SREBF1: variants seen among roughly 807,000 people sequenced by gnomAD.
The protein encoded by SREBF1 is sterol regulatory element-binding protein 1.
Under a neutral mutation model 100.1 loss-of-function variants are expected in SREBF1, and 45 were observed. That is an observed-to-expected ratio of 0.45 (90% CI 0.35 to 0.58). The LOEUF (loss-of-function observed/expected upper bound fraction) is 0.58. Among genes scored for constraint, SREBF1 ranks in the 20% least tolerant of loss-of-function variants. The pLI is 0.00. For synonymous variants in SREBF1, 657 were observed against 681.8 expected, an observed-to-expected ratio of 0.96 and a Z score of 0.57; for missense variants, 1,324 against 1,539.4, an observed-to-expected ratio of 0.86 and a Z score of 2.34.
chr17:17,834,112 G>T (rs528927159), intron 1 of SREBF1, among the ~76,000 whole-genome samples: 3 of 151,676 alleles, frequency 2.0e-5, no homozygotes, highest in African/African-American at 7.3e-5. Flanking sequence ...AGTTTTTTTT[G>T]AAACAGAATC....
intron 12 of SREBF1, 129 bp from the exon 13 acceptor site, chr17:17,815,458 G>T: frequency 1.4e-6 from 1 of 727,008 alleles, no homozygotes; most frequent in Non-Finnish European, 2.4e-6. Flanking sequence ...GCCCCTGGGT[G>T]CAGCCCCTGC....
In SREBF1 at chr17:17,813,671, G is replaced by A; in HGVS notation, c.3000C>T (p.Thr1000=). The change falls in exon 17 of 19, where the codon ACC becomes ACT. Residue 1000 remains threonine, a synonymous_variant. Coordinates refer to ENST00000261646, the MANE Select transcript of SREBF1 (RefSeq NM_004176.5). ...GGGCGGAAGCCTGGGGCCTGCTGCT[G>A]GTGCCCTGGGCTGCTGGGGCCGGGG... The part of the protein sequence containing the change: ...PPAPAPAAQG[T]SSRPQASALE... 2.6e-6 allele frequency: 4 copies of A among 1,550,948 alleles called. No homozygotes were observed. Among genetic ancestry groups the A allele is most frequent in the Non-Finnish European group, 3.5e-6 (4 of 1,155,064 alleles).
intron 18 of SREBF1, 86 bp from the exon 19 acceptor site, chr17:17,812,937 A>G (rs970195131): frequency 7.8e-7 from 1 of 1,278,252 alleles, no homozygotes; most frequent in Non-Finnish European, 1.0e-6. Context: ...CCACGGCACC[A>G]GCCGCCTGTA....
At chr17:17,819,905 G>T in intron 2 of SREBF1, 180 bp from the exon 3 acceptor site, 1 of 1,169,584 alleles carries the variant, frequency 8.6e-7, no homozygotes, top group Non-Finnish European at 1.2e-6. Flanking sequence ...CCTCCAGTGC[G>T]AGGTTGCGCC....
Position 17,817,374 on chromosome 17 carries a change from G to C in SREBF1, c.1488C>G (p.Leu496=). 4 of 1,607,622 alleles carry C rather than the reference G, an allele frequency of 2.5e-6. No individual in the cohort carries two copies. The highest frequency in any genetic ancestry group is 3.4e-6 in the Non-Finnish European group (4 of 1,177,866). Residue 496 remains leucine, a synonymous_variant, in exon 8 of 19, where the codon CTC becomes CTG. Coordinates refer to ENST00000261646, the MANE Select transcript of SREBF1 (RefSeq NM_004176.5). The surrounding 1 kb of genome is among the most constrained non-coding windows in gnomAD (Gnocchi z 6.6). ...AGGCCAAGGGGTTGCAGGACAGGCA[G>C]AGGAAGACGAGCGTGCACAGGGCCA... The part of the protein sequence containing the change: ...SRLALCTLVF[L]CLSCNPLASL...
At position 17,819,701 on chromosome 17, in the gene SREBF1, T is replaced by G; in HGVS notation, c.548A>C (p.Gln183Pro). The change falls in exon 3 of 19, where the codon CAG becomes CCG. Residue 183 changes from glutamine (Q) to proline (P), a missense_variant. Transcript: ENST00000261646. ...AGCCAGTGGCAGGCCAGGCAGCGGC[T>G]GCTGGGTGTTCCCGGGAGGGCTTCC... ...STGSPPGNTQQPLPGLPLASP... is the reference protein window; with the variant it reads ...STGSPPGNTQPPLPGLPLASP... 6.2e-7 allele frequency: 1 copy of G among 1,608,170 alleles called. No homozygotes were observed. The highest frequency in any genetic ancestry group is 1.3e-5 in the African/African-American group (1 of 75,012).
chr17:17,817,418 T>A lies in SREBF1; in HGVS notation c.1444A>T (p.Met482Leu). 1 of 1,596,658 alleles carries A rather than the reference T, an allele frequency of 6.3e-7. No homozygotes were observed. The highest frequency in any genetic ancestry group is 8.5e-7 in the Non-Finnish European group (1 of 1,171,770). ...EQRPSLHSRGMLDRSRLALCT... is the reference protein window; with the variant it reads ...EQRPSLHSRGLLDRSRLALCT... ...AGGGCCAGGCGGGAGCGGTCCAGCA[T>A]GCCCCGGCTGTGCAGAGACGGCCGC... The change falls in exon 8 of 19, where the codon ATG (methionine) becomes TTG (leucine). Residue 482 changes from methionine to leucine, a missense_variant. Met to Leu is a conservative substitution (Grantham distance 15, BLOSUM62 2). Transcript: ENST00000261646. This position sits in a 1 kb window ranked among gnomAD's most constrained non-coding sequence, Gnocchi z 6.6.
At chr17:17,814,809 AG>A (rs756298683) in intron 14 of SREBF1, 25 bp downstream of exon 14, 1 of 1,606,606 alleles carries the variant, frequency 6.2e-7, no homozygotes, top group African/African-American at 1.3e-5. Flanking sequence ...CTGAGAAGGG[AG>A]CCAGGACAGG....
chr17:17,814,122 C>T, intron 16 of SREBF1, 123 bp downstream of exon 16: 1 of 1,163,194 alleles, frequency 8.6e-7, no homozygotes, highest in South Asian at 1.3e-5. Context: ...TGCTGGACCC[C>T]CTATCCTGTG....
At chr17:17,818,397 GGAGC>G (rs1229142446) in intron 5 of SREBF1, 23 bp from the exon 6 acceptor site, 1 of 1,568,290 alleles carries the variant, frequency 6.4e-7, no homozygotes, top group African/African-American at 1.4e-5. Flanking sequence ...GGAGGGAGGG[GGAGC>G]GCACAGGTGG....
In SREBF1 at chr17:17,816,480, T is replaced by A. The variant is rs775892357; in HGVS notation, c.2024A>T (p.Lys675Met). ...SARDAALVYH[K>M]LHQLHTMGKH... ...ACCCATGGTGTGCAGCTGGTGCAGC[T>A]TATGGTAGACCAGGGCTGCGTCTCG... Residue 675 changes from lysine to methionine, a missense_variant, in exon 10 of 19, where the codon AAG becomes ATG. By Grantham distance (95) the Lys-to-Met change is moderately conservative. Transcript: ENST00000261646. 6.2e-7 allele frequency: 1 copy of A among 1,606,078 alleles called. No individual in the cohort carries two copies. The highest frequency in any genetic ancestry group is 1.7e-5 in the Admixed American group (1 of 59,080).
At position 17,811,643 on chromosome 17, in the gene SREBF1, A is replaced by C. The variant is rs1474684968; in HGVS notation, c.*979T>G. ...GTGTGGCGGCAGGTCGGGAGGGAGGAGGCTTCTTTGCTGTGAGATGACCAG... is the reference window on the plus strand; with the variant it reads ...GTGTGGCGGCAGGTCGGGAGGGAGGCGGCTTCTTTGCTGTGAGATGACCAG... On this transcript the variant is annotated 3_prime_UTR_variant, in exon 19 of 19. Transcript: ENST00000261646. 4 of 439,058 alleles carry C rather than the reference A, an allele frequency of 9.1e-6. No individual in the cohort carries two copies. The highest frequency in any genetic ancestry group is 6.2e-5 in the African/African-American group (3 of 48,110). The allele number at this position is 439,058 out of a possible 1,614,324, so 27.2% of individuals were successfully genotyped here. A position where few individuals can be genotyped will look rare whatever the true frequency, so the allele number is the denominator to read the frequency against.
chr17:17,819,228 C>T lies in SREBF1; in HGVS notation c.853G>A (p.Val285Met). ...GTTGCCAAGATGGTTCCGCCACTCA[C>T]CAGGGTCTGCAGGGCCAGGCACATG... ...TVQTGPLPTL[V>M]SGGTILATVP... is the part of the protein sequence containing the mutation. The change falls in exon 5 of 19, where the codon GTG becomes ATG. Residue 285 changes from valine (V) to methionine (M), a missense_variant. Physicochemically the swap from Val to Met is conservative, Grantham distance 21 (BLOSUM62 1). Coordinates refer to ENST00000261646, the MANE Select transcript of SREBF1 (RefSeq NM_004176.5). The T allele has an allele frequency of 1.2e-6, 2 of 1,614,060 alleles. No individual in the cohort carries two copies. Among genetic ancestry groups the T allele is most frequent in the Non-Finnish European group, 1.7e-6 (2 of 1,180,046 alleles).
intron 1 of SREBF1, among the ~76,000 whole-genome samples, chr17:17,827,284 A>G (rs958376027): frequency 2.0e-5 from 3 of 152,312 alleles, no homozygotes; most frequent in Admixed American, 1.3e-4. Context: ...GGATTTGCCA[A>G]TTGATCCCTG....
rs964472086 is a variant in SREBF1 at position 17,836,749 on chromosome 17, C to A, written c.69G>T (p.Ala23=). Residue 23 remains alanine, a synonymous_variant, in exon 1 of 19, where the codon GCG becomes GCT. Coordinates refer to ENST00000261646, the MANE Select transcript of SREBF1 (RefSeq NM_004176.5). ...CACCTTCGATGTCGGTCAGCAGCGCCGCGTCCAGATCGCACGGCTCGCCCA... is the reference window on the plus strand; with the variant it reads ...CACCTTCGATGTCGGTCAGCAGCGCAGCGTCCAGATCGCACGGCTCGCCCA... ...QALGEPCDLD[A]ALLTDIEDML... is the part of the protein sequence containing the mutation. 2.0e-5 allele frequency: 32 copies of A among 1,572,822 alleles called. No homozygotes were observed. Among genetic ancestry groups the A allele is most frequent in the Non-Finnish European group, 2.7e-5 (32 of 1,167,300 alleles).
chr17:17,816,694 G>T lies in SREBF1; in HGVS notation c.1810C>A (p.Gln604Lys). 1 of 1,583,728 alleles carries T rather than the reference G, an allele frequency of 6.3e-7. No homozygotes were observed. The highest frequency in any genetic ancestry group is 8.6e-7 in the Non-Finnish European group (1 of 1,165,734). ...AGTGCCCGCAGGGCCAGCCACAGCT[G>T]CTGGGCAGCCTGGGCAAAGTCTCCC... ...ARGDFAQAAQ[Q>K]LWLALRALGR... The change falls in exon 10 of 19, where the codon CAG becomes AAG. Residue 604 changes from glutamine to lysine, a missense_variant. Transcript: ENST00000261646.
At chr17:17,827,008 G>T (rs1032822259) in intron 1 of SREBF1, among the ~76,000 whole-genome samples, 1 of 152,222 alleles carries the variant, frequency 6.6e-6, no homozygotes, top group East Asian at 1.9e-4. Context: ...AGGCACTGGG[G>T]CCATTATAGA....
In SREBF1 at chr17:17,814,025, C is replaced by A. The variant is rs189267029; in HGVS notation, c.2901+220G>T. The A allele has an allele frequency of 2.1e-3, 1,404 of 656,266 alleles. 12 individuals are homozygous for A. The highest frequency in any genetic ancestry group is 0.019 in the African/African-American group (1,040 of 55,064). 40.7% of individuals were successfully genotyped at this position (656,266 alleles called of 1,614,324 possible). On this transcript the variant is annotated intron_variant, in intron 16 of 18. Transcript: ENST00000261646. ...AAAGGGATCCTACCACACCATCCACCCCCCTCCTCCCAGGGATGGGGAAAC... is the reference window on the plus strand; with the variant it reads ...AAAGGGATCCTACCACACCATCCACACCCCTCCTCCCAGGGATGGGGAAAC...
At chr17:17,825,535 C>G (rs1157934729) in intron 1 of SREBF1, among the ~76,000 whole-genome samples, 1 of 151,896 alleles carries the variant, frequency 6.6e-6, no homozygotes, top group African/African-American at 2.4e-5. Flanking sequence ...CCATGGCCAG[C>G]CTCTGAAACT....
Sources: allele counts gnomAD v4.1 joint callset (sites outside exome capture counted in the v4.1 genomes callset), GRCh38; gene constraint gnomAD v4.1.1; non-coding constraint Gnocchi (gnomAD v3.1); transcripts MANE v1.5; gene names NCBI Gene and HGNC (gene_info 2026-07-23, HGNC 2026-07-21).